TP63: variants seen among roughly 807,000 people sequenced by gnomAD.
The protein encoded by TP63 is tumor protein 63.
In TP63, 17 loss-of-function variants were observed where a neutral mutation model predicts 82.8. That is an observed-to-expected ratio of 0.21 (90% CI 0.14 to 0.31). TP63 has a LOEUF of 0.31. TP63 is among the 10% of genes least tolerant of loss of function. The pLI is 1.00. For synonymous variants in TP63, 330 were observed against 321.7 expected, an observed-to-expected ratio of 1.03 and a Z score of -0.28; for missense variants, 648 against 895.3, an observed-to-expected ratio of 0.72 and a Z score of 3.52.
chr3:189,635,590 T>C (rs1269041966), intron 1 of TP63, among the ~76,000 whole-genome samples: 1 of 152,104 alleles, frequency 6.6e-6, no homozygotes, highest in Non-Finnish European at 1.5e-5. Context: ...GGTTTTTGGC[T>C]AAAGGCTGCA....
At chr3:189,873,722 A>G (rs1718711825) in intron 10 of TP63, 4 of 153,434 alleles carry the variant, frequency 2.6e-5, no homozygotes, top group African/African-American at 9.7e-5. Flanking sequence ...ACTGACTAGA[A>G]TAGAATAGCT....
Position 189,869,397 on chromosome 3 carries a change from A to G in TP63, c.1203A>G (p.Leu401=). ...GAAGATCCCCAGATGATGAACTGTT[A>G]TACTTACCAGTAGGTCTTCCTTGGG... The part of the protein sequence containing the change: ...KKRRSPDDEL[L]YLPVRGRETY... The change falls in exon 9 of 14, where the codon TTA becomes TTG. Residue 401 remains leucine, a synonymous_variant. Transcript: ENST00000264731. 6.2e-6 allele frequency: 10 copies of G among 1,613,962 alleles called. No homozygotes were observed. The highest frequency in any genetic ancestry group is 8.5e-6 in the Non-Finnish European group (10 of 1,179,902).
intron 1 of TP63, among the ~76,000 whole-genome samples, chr3:189,633,077 C>G (rs1263200865): frequency 6.6e-6 from 1 of 152,028 alleles, no homozygotes; most frequent in Non-Finnish European, 1.5e-5. Context: ...TCTCTAGAAG[C>G]ATTTCTAATG....
intron 1 of TP63, among the ~76,000 whole-genome samples, chr3:189,724,841 T>A (rs1348507858): frequency 1.3e-5 from 2 of 152,166 alleles, no homozygotes; most frequent in Non-Finnish European, 2.9e-5. Flanking sequence ...GGCAATCAGC[T>A]CATGTTAAGC....
At chr3:189,739,710 T>C (rs769704934) in intron 3 of TP63, among the ~76,000 whole-genome samples, 18 of 152,144 alleles carry the variant, frequency 1.2e-4, no homozygotes, top group Non-Finnish European at 2.4e-4. Flanking sequence ...TTTAATGGGT[T>C]AATGATATTA....
At chr3:189,626,051 CA>C in the TP63 span, among the ~76,000 whole-genome samples, 1 of 152,138 alleles carries the variant, frequency 6.6e-6, no homozygotes, top group Non-Finnish European at 1.5e-5. Flanking sequence ...AGATGGAGGT[CA>C]AATCAGAAGA....
intron 3 of TP63, chr3:189,789,964 G>A: frequency 1.1e-6 from 1 of 905,650 alleles, no homozygotes. Flanking sequence ...TTGTATATAG[G>A]AATCTCCTTT....
intron 1 of TP63, among the ~76,000 whole-genome samples, chr3:189,673,327 AT>A: frequency 6.6e-6 from 1 of 152,160 alleles, no homozygotes. Flanking sequence ...CTTTCTTAAG[AT>A]TAGAGAAAAG....
At chr3:189,798,211 T>C (rs1030465886) in intron 3 of TP63, among the ~76,000 whole-genome samples, 11 of 152,096 alleles carry the variant, frequency 7.2e-5, no homozygotes, top group African/African-American at 1.9e-4. Flanking sequence ...CTGTTTGTAA[T>C]TGACTTGTGC....
intron 1 of TP63, among the ~76,000 whole-genome samples, chr3:189,653,454 C>T (rs1043933409): frequency 6.6e-6 from 1 of 152,168 alleles, no homozygotes; most frequent in Non-Finnish European, 1.5e-5. Context: ...ATATTTTTCA[C>T]TCATGAGGAC....
At position 189,655,046 on chromosome 3, in the gene TP63, C is replaced by T. The variant is rs926270267; in HGVS notation, c.62+23469C>T. ...GTCTTGATCATCGGTTAGAAAGAAA[C>T]GCCATAATTAATCTCTTTATGGACT... On this transcript the variant is annotated intron_variant, in intron 1 of 13. Transcript: ENST00000264731. 1.1e-4 allele frequency among the ~76,000 whole-genome samples: 16 copies of T among 152,064 alleles called. No homozygotes were observed. The South Asian group carries it at 1.7e-3, about 16-fold the overall frequency.
At chr3:189,782,218 G>A (rs1242814596) in intron 3 of TP63, among the ~76,000 whole-genome samples, 1 of 152,132 alleles carries the variant, frequency 6.6e-6, no homozygotes, top group African/African-American at 2.4e-5. Flanking sequence ...GGAATCAGAA[G>A]GAAAAGTGAT....
Position 189,804,264 on chromosome 3 carries a change from G to A in TP63, c.325-4008G>A, listed in dbSNP as rs16864804. The stretch of plus-strand genomic sequence containing the variant: ...TTATTGGCTGTAAATAAGGCAAGAG[G>A]TACTGCTCCCTTTACCCCGCCAGAT... On this transcript the variant is annotated intron_variant, in intron 3 of 13. Coordinates refer to ENST00000264731, the MANE Select transcript of TP63 (RefSeq NM_003722.5). 1.9e-3 allele frequency among the ~76,000 whole-genome samples: 283 copies of A among 152,270 alleles called. 8 individuals carry two copies. The East Asian group carries it at 0.052, about 28-fold the overall frequency.
At chr3:189,666,200 A>C (rs1205196825) in intron 1 of TP63, among the ~76,000 whole-genome samples, 2 of 152,070 alleles carry the variant, frequency 1.3e-5, no homozygotes, top group African/African-American at 4.8e-5. Flanking sequence ...GATTTTATTA[A>C]ACATTATTCT....
intron 3 of TP63, among the ~76,000 whole-genome samples, chr3:189,781,103 G>C (rs1464220714): frequency 2.0e-5 from 3 of 152,154 alleles, no homozygotes; most frequent in Non-Finnish European, 4.4e-5. Flanking sequence ...GTACTTGCAA[G>C]AGGCTGAGAA....
At chr3:189,879,265 C>T (rs1453108288) in intron 10 of TP63, among the ~76,000 whole-genome samples, 1 of 152,148 alleles carries the variant, frequency 6.6e-6, no homozygotes, top group East Asian at 1.9e-4. Flanking sequence ...ATTCAAGAAG[C>T]CAATCTGGGA....
chr3:189,738,749 A>C lies in TP63; in HGVS notation c.299A>C (p.Asp100Ala). Reference sequence around the variant, plus strand: ...AGCATGGACTGTATCCGCATGCAGGACTCGGACCTGAGTGACCCCATGTGG... The same window carrying C: ...AGCATGGACTGTATCCGCATGCAGGCCTCGGACCTGAGTGACCCCATGTGG... ...EISMDCIRMQ[D>A]SDLSDPMWPQ... Residue 100 changes from aspartate (D) to alanine (A), a missense_variant, in exon 3 of 14, where the codon GAC (aspartate) becomes GCC (alanine). By Grantham distance (126) the Asp-to-Ala change is moderately radical (BLOSUM62 -2). Coordinates refer to ENST00000264731, the MANE Select transcript of TP63 (RefSeq NM_003722.5). The C allele has an allele frequency of 6.2e-7, 1 of 1,613,974 alleles. No individual in the cohort carries two copies. Among genetic ancestry groups the C allele is most frequent in the East Asian group, 2.2e-5 (1 of 44,850 alleles).
intron 3 of TP63, among the ~76,000 whole-genome samples, chr3:189,779,468 T>C (rs969403837): frequency 1.3e-5 from 2 of 152,200 alleles, no homozygotes; most frequent in South Asian, 2.1e-4. Context: ...AAGACCAACA[T>C]GTAGGGAAAA....
chr3:189,792,532 G>A (rs1725256508), intron 3 of TP63, among the ~76,000 whole-genome samples: 1 of 152,038 alleles, frequency 6.6e-6, no homozygotes, highest in Admixed American at 6.6e-5. Context: ...TCCTCATCCG[G>A]GGTTTTAGAT....
Sources: gnomAD v4.1 joint callset for allele counts (sites outside exome capture counted in the v4.1 genomes callset) on GRCh38, gnomAD v4.1.1 for gene constraint, MANE v1.5 for transcripts, NCBI Gene and HGNC (gene_info 2026-07-23, HGNC 2026-07-21) for gene names.